REDIC1: variants seen among roughly 807,000 people sequenced by gnomAD.
REDIC1 encodes regulator of DNA class I crossover intermediates 1.
the REDIC1 span, among the ~76,000 whole-genome samples, chr12:39,895,689 T>A: frequency 6.8e-6 from 1 of 147,286 alleles, no homozygotes; most frequent in African/African-American, 2.5e-5. Flanking sequence ...TACACACATA[T>A]GTATATGCGT....
chr12:39,697,207 T>C, the REDIC1 span, among the ~76,000 whole-genome samples: 1 of 152,182 alleles, frequency 6.6e-6, no homozygotes, highest in East Asian at 1.9e-4. Context: ...GAGAGTGGCA[T>C]GACATATTTA....
At chr12:39,761,814 C>G in the REDIC1 span, among the ~76,000 whole-genome samples, 2 of 152,032 alleles carry the variant, frequency 1.3e-5, no homozygotes, top group Non-Finnish European at 2.9e-5. Flanking sequence ...GGCTTCTAAA[C>G]TACAAAATCT....
At chr12:39,668,322 A>G in the REDIC1 span, among the ~76,000 whole-genome samples, 2 of 152,128 alleles carry the variant, frequency 1.3e-5, no homozygotes, top group Admixed American at 6.5e-5. Flanking sequence ...TCCTTCACTT[A>G]TGAAGCTTAG....
the REDIC1 span, among the ~76,000 whole-genome samples, chr12:39,778,283 T>C: frequency 6.6e-6 from 1 of 152,212 alleles, no homozygotes; most frequent in African/African-American, 2.4e-5. Flanking sequence ...AGCAAAACTG[T>C]AAGCAAAACC....
At chr12:39,845,345 G>C in the REDIC1 span, among the ~76,000 whole-genome samples, 22 of 152,122 alleles carry the variant, frequency 1.4e-4, no homozygotes, top group African/African-American at 4.8e-4. Flanking sequence ...TATGCACCAA[G>C]AAAGAACCTT....
chr12:39,884,996 A>C, the REDIC1 span, among the ~76,000 whole-genome samples: 9 of 152,370 alleles, frequency 5.9e-5, no homozygotes, highest in African/African-American at 1.9e-4. Flanking sequence ...GAAAAACCAT[A>C]GTGGCAGAGA....
chr12:39,767,018 C>T, the REDIC1 span, among the ~76,000 whole-genome samples: 3 of 152,092 alleles, frequency 2.0e-5, no homozygotes, highest in East Asian at 1.9e-4. Context: ...CCATGAATCA[C>T]GAATGTTTTT....
the REDIC1 span, chr12:39,716,900 T>C: frequency 8.6e-7 from 1 of 1,156,800 alleles, no homozygotes; most frequent in Admixed American, 2.9e-5. Context: ...GTTTTTCTCA[T>C]AGTTTACCTT....
chr12:39,848,177 T>A, the REDIC1 span, among the ~76,000 whole-genome samples: 1 of 152,070 alleles, frequency 6.6e-6, no homozygotes, highest in African/African-American at 2.4e-5. Flanking sequence ...AATTGACAAG[T>A]GGGATCTAAT....
At chr12:39,830,133 T>G in the REDIC1 span, 1 of 1,613,722 alleles carries the variant, frequency 6.2e-7, no homozygotes, top group Non-Finnish European at 8.5e-7. Flanking sequence ...TGTAGATGCT[T>G]TATTAACTGG....
the REDIC1 span, among the ~76,000 whole-genome samples, chr12:39,896,209 TATATAC>T: frequency 6.7e-6 from 1 of 148,852 alleles, no homozygotes; most frequent in Non-Finnish European, 1.5e-5. Flanking sequence ...TGTATACATG[TATATAC>T]GTATACATAT....
the REDIC1 span, among the ~76,000 whole-genome samples, chr12:39,784,755 C>T: frequency 6.6e-6 from 1 of 152,106 alleles, no homozygotes; most frequent in South Asian, 2.1e-4. Flanking sequence ...AGCTTCTGCA[C>T]AGCAAAAGAA....
the REDIC1 span, among the ~76,000 whole-genome samples, chr12:39,651,097 G>GT: frequency 3.3e-5 from 5 of 152,070 alleles, no homozygotes; most frequent in Non-Finnish European, 7.4e-5. Flanking sequence ...TATATGCTAT[G>GT]TTTTTTTGTA....
the REDIC1 span, among the ~76,000 whole-genome samples, chr12:39,713,173 G>A: frequency 6.7e-6 from 1 of 149,394 alleles, no homozygotes; most frequent in African/African-American, 2.5e-5. Context: ...GTGTATATAT[G>A]TGCATATACC....
the REDIC1 span, among the ~76,000 whole-genome samples, chr12:39,874,965 T>C: frequency 1.3e-5 from 2 of 152,228 alleles, no homozygotes; most frequent in Non-Finnish European, 2.9e-5. Flanking sequence ...GACAGCCTTG[T>C]ATCTCCCTCT....
chr12:39,872,007 G>A, the REDIC1 span: 2 of 1,431,848 alleles, frequency 1.4e-6, no homozygotes, highest in Admixed American at 2.5e-5. Flanking sequence ...GTTACCCAAA[G>A]AAACAGGGTT....
the REDIC1 span, among the ~76,000 whole-genome samples, chr12:39,761,356 TGAGA>T: frequency 6.6e-6 from 1 of 151,948 alleles, no homozygotes; most frequent in African/African-American, 2.4e-5. Flanking sequence ...AAGAGATGGT[TGAGA>T]GAGAGACTTG....
the REDIC1 span, among the ~76,000 whole-genome samples, chr12:39,707,872 A>C: frequency 2.6e-5 from 4 of 151,918 alleles, no homozygotes; most frequent in Non-Finnish European, 5.9e-5. Context: ...CATGGATGGA[A>C]CTGGAGGTTA....
chr12:39,897,610 T>A, the REDIC1 span, among the ~76,000 whole-genome samples: 1 of 152,206 alleles, frequency 6.6e-6, no homozygotes, highest in East Asian at 1.9e-4. Flanking sequence ...CACATGCAGC[T>A]CTTGAGCACT....
Sources: gnomAD v4.1 joint callset for allele counts (sites outside exome capture counted in the v4.1 genomes callset) on GRCh38, gnomAD v4.1.1 for gene constraint, MANE v1.5 for transcripts, NCBI Gene and HGNC (gene_info 2026-07-23, HGNC 2026-07-21) for gene names.